Variants in TTC3 observed in about 807,000 individuals in gnomAD.
TTC3 encodes E3 ubiquitin-protein ligase TTC3.
TTC3 carries 180 observed loss-of-function variants against 249.6 expected under a neutral mutation model. That is an observed-to-expected ratio of 0.72 (90% confidence interval 0.64 to 0.82). The LOEUF (loss-of-function observed/expected upper bound fraction) is 0.82. Among genes scored for constraint, TTC3 ranks in the 40% least tolerant of loss-of-function variants. The pLI is 0.00. For synonymous variants in TTC3, 717 were observed against 805.0 expected, an observed-to-expected ratio of 0.89 and a Z score of 1.85; for missense variants, 2,061 against 2,398.4, an observed-to-expected ratio of 0.86 and a Z score of 2.94.
chr21:37,126,082 G>A, exon 15 of TTC3: 2 of 1,604,040 alleles, frequency 1.2e-6, no homozygotes, highest in Non-Finnish European at 1.7e-6. Context: ...ATTGGCAGGT[G>A]GCGGATGAGG....
chr21:37,147,401 C>T, intron 21 of TTC3, 80 bp from the exon 22 acceptor site: 2 of 1,312,382 alleles, frequency 1.5e-6, no homozygotes, highest in Non-Finnish European at 2.0e-6. Flanking sequence ...ATTTTGATGG[C>T]AAGAGGTTAT....
intron 44 of TTC3, 68 bp downstream of exon 44, chr21:37,198,093 A>T: frequency 1.3e-6 from 2 of 1,488,482 alleles, no homozygotes; most frequent in African/African-American, 1.4e-5. Context: ...TTAATCCATG[A>T]TTTAGCCCCA....
chr21:37,124,477 A>C, intron 13 of TTC3, 142 bp from the exon 14 acceptor site: 1 of 789,628 alleles, frequency 1.3e-6, no homozygotes, highest in Non-Finnish European at 2.0e-6. Context: ...TTTATGTATA[A>C]AGCCCCATCT....
At chr21:37,143,831 T>C (rs2078725986) in intron 20 of TTC3, among the ~76,000 whole-genome samples, 1 of 105,592 alleles carries the variant, frequency 9.5e-6, no homozygotes, top group African/African-American at 4.3e-5. Flanking sequence ...TAGCAAAGAC[T>C]TGGAACCAAC....
At chr21:37,081,376 A>AC (rs1364343556) in intron 1 of TTC3, among the ~76,000 whole-genome samples, 98 of 152,140 alleles carry the variant, frequency 6.4e-4, no homozygotes, top group Non-Finnish European at 8.2e-4. Context: ...TCAGCCTCCC[A>AC]AAGTGCTGGG....
At chr21:37,196,357 C>G (rs1457632210) in intron 42 of TTC3, among the ~76,000 whole-genome samples, 1 of 151,592 alleles carries the variant, frequency 6.6e-6, no homozygotes, top group Non-Finnish European at 1.5e-5. Context: ...CTGCCTCAGC[C>G]TCCTGAGAAG....
chr21:37,200,893 C>T lies in TTC3; in HGVS notation c.5944-547C>T, dbSNP rs147353459. ...CTAATCCCTTGGAACGGGATAAATA[C>T]AGCATGCTCACTGAAAGGAATTGAG... On this transcript the variant is annotated intron_variant, in intron 45 of 45. Transcript: ENST00000355666. Among the ~76,000 whole-genome samples, 16 of 152,334 alleles carry T rather than the reference C, an allele frequency of 1.1e-4. No homozygotes were observed. The East Asian group carries it at 3.1e-3, about 29-fold the overall frequency.
chr21:37,124,829 A>G, intron 14 of TTC3, 87 bp downstream of exon 14: 1 of 1,463,520 alleles, frequency 6.8e-7, no homozygotes. Flanking sequence ...TAGAAACCAA[A>G]TTTTTGGCGA....
At chr21:37,191,884 C>T (rs189942506) in intron 40 of TTC3, among the ~76,000 whole-genome samples, 1 of 152,294 alleles carries the variant, frequency 6.6e-6, no homozygotes, top group African/African-American at 2.4e-5. Flanking sequence ...CCACCGCGCC[C>T]AGCCGGAAGT....
At chr21:37,135,309 A>G in intron 17 of TTC3, 71 bp from the exon 18 acceptor site, 1 of 1,482,918 alleles carries the variant, frequency 6.7e-7, no homozygotes, top group Non-Finnish European at 9.1e-7. Flanking sequence ...ATTACTATGA[A>G]CTTGGCATCT....
At chr21:37,200,289 C>T (rs187599159) in exon 45 of TTC3, 22 of 1,614,154 alleles carry the variant, frequency 1.4e-5, no homozygotes, top group Admixed American at 5.0e-5. Flanking sequence ...AAAAAACGTG[C>T]GTGTGCTCAA....
chr21:37,079,490 T>C (rs922459681), intron 1 of TTC3, among the ~76,000 whole-genome samples: 1 of 150,430 alleles, frequency 6.6e-6, no homozygotes, highest in East Asian at 1.9e-4. Flanking sequence ...TTTTAGAAAT[T>C]TGTCCTTTCA....
chr21:37,182,261 A>C (rs572739322), intron 35 of TTC3, among the ~76,000 whole-genome samples: 26 of 152,326 alleles, frequency 1.7e-4, no homozygotes, highest in Non-Finnish European at 3.4e-4. Flanking sequence ...GTTAGGTGTC[A>C]AGTGGTGCTG....
chr21:37,154,628 GAGCCCTCC>G (rs1246010788), intron 27 of TTC3, among the ~76,000 whole-genome samples: 1 of 152,198 alleles, frequency 6.6e-6, no homozygotes, highest in Admixed American at 6.5e-5. Flanking sequence ...TGCAGCACTT[GAGCCCTCC>G]AGCTCACTGG....
Position 37,197,764 on chromosome 21 carries a change from A to G in TTC3, c.5706+68A>G, listed in dbSNP as rs564423723. ...AAATATGAGAATTGTTAAAAAAAAAAAAAAGCTTCAAACCAAAACCTAGAG... is the reference window on the plus strand; with the variant it reads ...AAATATGAGAATTGTTAAAAAAAAAGAAAAGCTTCAAACCAAAACCTAGAG... On this transcript the variant is annotated intron_variant, in intron 43 of 45. Coordinates refer to ENST00000355666, the Ensembl canonical transcript of TTC3. 3.6e-4 allele frequency: 561 copies of G among 1,545,112 alleles called. 9 individuals carry two copies. In the African/African-American group the frequency reaches 5.7e-3, roughly 16 times the overall value.
chr21:37,121,147 G>A (rs2076544267), intron 11 of TTC3: 1 of 152,162 alleles, frequency 6.6e-6, no homozygotes, highest in African/African-American at 2.4e-5. Context: ...TCCAAAATAT[G>A]TAAATGGACC....
Position 37,160,676 on chromosome 21 carries a change from T to A in TTC3, c.3040-126T>A. On this transcript the variant is annotated intron_variant, in intron 29 of 45. Transcript: ENST00000355666. ...CTTGGGCTGATACACTGTAGTGTTA[T>A]TTTTGTTAAACATTTTATGTACATT... The A allele has an allele frequency of 6.1e-6, 6 of 990,050 alleles. No homozygotes were observed. In the South Asian group the frequency reaches 9.2e-5, roughly 15 times the overall value. The allele number at this position is 990,050 out of a possible 1,614,324, so 61.3% of individuals were successfully genotyped here. A position where few individuals can be genotyped will look rare whatever the true frequency, so the allele number is the denominator to read the frequency against.
intron 2 of TTC3, 62 bp from the exon 3 acceptor site, chr21:37,087,771 C>T (rs2072703648): frequency 7.6e-7 from 1 of 1,307,446 alleles, no homozygotes; most frequent in South Asian, 1.3e-5. Context: ...TCTGATAATC[C>T]TTAGATTAAA....
intron 17 of TTC3, among the ~76,000 whole-genome samples, chr21:37,133,500 C>A (rs2077648973): frequency 6.6e-6 from 1 of 152,150 alleles, no homozygotes; most frequent in Non-Finnish European, 1.5e-5. Flanking sequence ...CCATGAAATA[C>A]TTAAATAGAT....
Sources: gnomAD v4.1 joint callset for allele counts (sites outside exome capture counted in the v4.1 genomes callset) on GRCh38, gnomAD v4.1.1 for gene constraint, MANE v1.5 for transcripts, NCBI Gene and HGNC (gene_info 2026-07-23, HGNC 2026-07-21) for gene names.